PECAM1: variants seen among roughly 807,000 people sequenced by gnomAD.
PECAM1 encodes the protein platelet and endothelial cell adhesion molecule 1, also known as platelet endothelial cell adhesion molecule.
PECAM1 carries 8 observed loss-of-function variants against 13.8 expected under a neutral mutation model. That is an observed-to-expected ratio of 0.58 (90% CI 0.34 to 1.05). The LOEUF is 1.05. Among genes scored for constraint, PECAM1 ranks in the 50% least tolerant of loss-of-function variants. The pLI is 0.03. For synonymous variants in PECAM1, 136 were observed against 52.6 expected (o/e 2.58, Z -6.86); for missense variants, 304 against 141.2 (o/e 2.15, Z -5.84).
Position 64,322,666 on chromosome 17 carries a change from T to C in PECAM1, c.*1150A>G, listed in dbSNP as rs958336896. On this transcript the variant is annotated 3_prime_UTR_variant, in exon 16 of 16. Transcript: ENST00000563924. ...CCTCTCTCCCACCCACTCAAGACAC[T>C]GTCAGGAATGTCTTAAGACCTCAGG... 4.1e-6 allele frequency: 4 copies of C among 985,384 alleles called. No individual in the cohort carries two copies. Among genetic ancestry groups the C allele is most frequent in the Non-Finnish European group, 3.6e-6 (3 of 829,904 alleles). 61.0% of individuals were successfully genotyped at this position (985,384 alleles called of 1,614,324 possible). A position where few individuals can be genotyped will look rare whatever the true frequency, so the allele number is the denominator to read the frequency against.
At chr17:64,341,096 C>CAAAAA (rs147972145) in intron 14 of PECAM1, among the ~76,000 whole-genome samples, 1 of 116,042 alleles carries the variant, frequency 8.6e-6, no homozygotes, top group Non-Finnish European at 1.7e-5. Context: ...AACTCTGTCT[C>CAAAAA]AAAAAAAAAA....
intron 13 of PECAM1, among the ~76,000 whole-genome samples, chr17:64,346,055 G>A (rs2035558852): frequency 6.6e-6 from 1 of 152,180 alleles, no homozygotes; most frequent in Non-Finnish European, 1.5e-5. Context: ...GCTAGTGGCT[G>A]GCACGGCCTG....
chr17:64,355,172 GC>G, intron 8 of PECAM1, 132 bp from the exon 9 acceptor site: 1 of 401,852 alleles, frequency 2.5e-6, no homozygotes, highest in Non-Finnish European at 4.4e-6. Flanking sequence ...GCTTGCCTTA[GC>G]ATCCATCTAC....
chr17:64,348,127 G>A (rs2035628316), intron 13 of PECAM1, 133 bp downstream of exon 13: 2 of 407,524 alleles, frequency 4.9e-6, no homozygotes, highest in Non-Finnish European at 8.8e-6. Flanking sequence ...AGGCCGGTAG[G>A]TCTGCTAATC....
intron 14 of PECAM1, 132 bp from the exon 15 acceptor site, chr17:64,329,854 G>C: frequency 1.4e-6 from 1 of 703,470 alleles, no homozygotes; most frequent in South Asian, 1.5e-5. Context: ...TCAGCCGGCA[G>C]GTGCCCTTAG....
intron 12 of PECAM1, among the ~76,000 whole-genome samples, chr17:64,349,587 CAA>C (rs72236584): frequency 1.6e-5 from 1 of 64,144 alleles, no homozygotes; most frequent in African/African-American, 4.8e-5. Flanking sequence ...GACTCTGTAT[CAA>C]AAAAAAAAAA....
chr17:64,340,739 C>T (rs8074738), intron 14 of PECAM1, among the ~76,000 whole-genome samples: 4,868 of 152,070 alleles, frequency 0.032, 274 homozygotes, highest in African/African-American at 0.11. Flanking sequence ...TGGGGCCAGC[C>T]GAACCAAAGG....
intron 11 of PECAM1, 25 bp downstream of exon 11, chr17:64,352,365 A>G (rs2035745937): frequency 4.2e-6 from 2 of 474,670 alleles, no homozygotes; most frequent in Non-Finnish European, 7.7e-6. Flanking sequence ...GGGAAATTAG[A>G]AATGGCAGGA....
intron 14 of PECAM1, among the ~76,000 whole-genome samples, chr17:64,334,987 C>T (rs1171391722): frequency 1.3e-5 from 2 of 152,132 alleles, no homozygotes; most frequent in African/African-American, 4.8e-5. Context: ...CAGAAAGGAA[C>T]ATGCTGCATC....
intron 2 of PECAM1, among the ~76,000 whole-genome samples, chr17:64,383,123 C>T (rs2036519164): frequency 6.6e-6 from 1 of 152,210 alleles, no homozygotes; most frequent in African/African-American, 2.4e-5. Context: ...GTTTTGCTCA[C>T]TCCACTGCGT....
chr17:64,357,473 G>T (rs1169151252), intron 7 of PECAM1, among the ~76,000 whole-genome samples: 4 of 152,102 alleles, frequency 2.6e-5, no homozygotes, highest in African/African-American at 9.7e-5. Context: ...ACCAAAATTC[G>T]GATCCTAAAT....
chr17:64,335,254 G>A (rs920045461), intron 14 of PECAM1, among the ~76,000 whole-genome samples: 27 of 152,210 alleles, frequency 1.8e-4, no homozygotes, highest in Middle Eastern at 6.8e-3. Context: ...CCAGGCCACA[G>A]TAGAATATTA....
intron 15 of PECAM1, among the ~76,000 whole-genome samples, chr17:64,324,538 G>C (rs782159546): frequency 2.6e-5 from 4 of 152,188 alleles, no homozygotes; most frequent in Non-Finnish European, 5.9e-5. Context: ...ACCCACAGAA[G>C]AAGAAAGGCA....
At chr17:64,360,694 C>T (rs943559315) in intron 6 of PECAM1, among the ~76,000 whole-genome samples, 2 of 150,424 alleles carry the variant, frequency 1.3e-5, no homozygotes, top group Non-Finnish European at 2.9e-5. Context: ...ACATTACATC[C>T]CCAGAAATAC....
At chr17:64,383,594 C>T (rs942106193) in intron 2 of PECAM1, among the ~76,000 whole-genome samples, 18 of 152,224 alleles carry the variant, frequency 1.2e-4, no homozygotes, top group African/African-American at 4.3e-4. Flanking sequence ...GCTCATTCTG[C>T]ACTCCACAAC....
chr17:64,366,377 G>C (rs1226824218), intron 5 of PECAM1, among the ~76,000 whole-genome samples: 2 of 150,782 alleles, frequency 1.3e-5, no homozygotes, highest in Admixed American at 1.3e-4. Context: ...CTGTTGGTGG[G>C]ACTGTAAACT....
chr17:64,388,090 G>A (rs2143922764), intron 2 of PECAM1, among the ~76,000 whole-genome samples: 1 of 152,292 alleles, frequency 6.6e-6, no homozygotes, highest in South Asian at 2.1e-4. Flanking sequence ...CGCTCCCTGT[G>A]CCATGTGCTG....
At chr17:64,388,261 G>A (rs200713848) in intron 2 of PECAM1, among the ~76,000 whole-genome samples, 1,792 of 152,222 alleles carry the variant, frequency 0.012, 21 homozygotes, top group Middle Eastern at 0.017. Flanking sequence ...ACCCCAAAGC[G>A]TGAGTGTCTG....
intron 5 of PECAM1, among the ~76,000 whole-genome samples, chr17:64,367,934 G>A (rs1295300412): frequency 6.6e-6 from 1 of 152,208 alleles, no homozygotes; most frequent in Non-Finnish European, 1.5e-5. Context: ...AGGACCCAAT[G>A]TATATGCCAA....
Sources: allele counts gnomAD v4.1 joint callset (sites outside exome capture counted in the v4.1 genomes callset), GRCh38; gene constraint gnomAD v4.1.1; transcripts MANE v1.5; gene names NCBI Gene and HGNC (gene_info 2026-07-23, HGNC 2026-07-21).